Variants in VEGFC observed in about 807,000 individuals in gnomAD.
VEGFC encodes vascular endothelial growth factor C.
In VEGFC, 12 loss-of-function variants were observed where a neutral mutation model predicts 46.1. The observed-to-expected ratio is 0.26, with a 90% CI of 0.17 to 0.42. The LOEUF is 0.42. VEGFC is among the 10% of genes least tolerant of loss of function. The pLI is 1.00. For synonymous variants in VEGFC, 232 were observed against 195.5 expected (o/e 1.19, Z -1.56); for missense variants, 488 against 529.4 (o/e 0.92, Z 0.77).
rs563624007 is a variant in VEGFC at position 176,727,892 on chromosome 4, G to T, written c.438C>A (p.Val146=). 6.2e-7 allele frequency: 1 copy of T among 1,613,370 alleles called. No homozygotes were observed. The highest frequency in any genetic ancestry group is 1.7e-5 in the Admixed American group (1 of 59,892). Reference sequence around the variant, plus strand: ...GAGGTTTAAAGAAGGTGTTTGTCGCGACTCCAAACTCCTTCCCCACATCTA... The same window carrying T: ...GAGGTTTAAAGAAGGTGTTTGTCGCTACTCCAAACTCCTTCCCCACATCTA... ...VCIDVGKEFG[V]ATNTFFKPPC... Residue 146 remains valine, a synonymous_variant, in exon 3 of 7, where the codon GTC becomes GTA. Transcript: ENST00000618562.
intron 4 of VEGFC, among the ~76,000 whole-genome samples, chr4:176,698,275 A>G (rs2110982376): frequency 6.6e-6 from 1 of 151,768 alleles, no homozygotes; most frequent in East Asian, 1.9e-4. Flanking sequence ...ACACTTGGAG[A>G]TTTCTTGACT....
intron 1 of VEGFC, among the ~76,000 whole-genome samples, chr4:176,743,341 T>C (rs1299167998): frequency 6.6e-6 from 1 of 151,946 alleles, no homozygotes; most frequent in Admixed American, 6.6e-5. Flanking sequence ...TGTATGGAGG[T>C]ATTTGATATG....
chr4:176,702,826 T>TA lies in VEGFC; in HGVS notation c.704+8672dup, dbSNP rs540883626. 2.5e-3 allele frequency among the ~76,000 whole-genome samples: 379 copies of TA among 152,006 alleles called. 2 individuals carry two copies. Among genetic ancestry groups the TA allele is most frequent in the South Asian group, 8.7e-3 (42 of 4,814 alleles). ...TTCCCTATAGTACATCGTCACAGAA[T>TA]AAAAAAAACATAAAAACTTGTGTTT... On this transcript the variant is annotated intron_variant, in intron 4 of 6. Coordinates refer to ENST00000618562, the MANE Select transcript of VEGFC (RefSeq NM_005429.5).
At chr4:176,693,612 A>C (rs1214119995) in intron 4 of VEGFC, among the ~76,000 whole-genome samples, 1 of 147,032 alleles carries the variant, frequency 6.8e-6, no homozygotes, top group African/African-American at 2.7e-5. Flanking sequence ...GTTCAGATTC[A>C]GGAAATACAG....
At chr4:176,692,659 C>T (rs1309644054) in intron 4 of VEGFC, among the ~76,000 whole-genome samples, 1 of 147,164 alleles carries the variant, frequency 6.8e-6, no homozygotes, top group Non-Finnish European at 1.5e-5. Flanking sequence ...TCTGTAGGCT[C>T]CACCTCTGGG....
intron 1 of VEGFC, among the ~76,000 whole-genome samples, chr4:176,762,000 G>C (rs977072835): frequency 1.3e-5 from 2 of 152,170 alleles, no homozygotes; most frequent in Admixed American, 6.5e-5. Flanking sequence ...TTTATTCTGT[G>C]CCAGCGAAGC....
intron 1 of VEGFC, among the ~76,000 whole-genome samples, chr4:176,736,683 C>A (rs1351937059): frequency 6.6e-6 from 1 of 151,694 alleles, no homozygotes; most frequent in Non-Finnish European, 1.5e-5. Flanking sequence ...TGTAAGTACT[C>A]ATTTGAATGA....
At chr4:176,693,964 G>C (rs1288941380) in intron 4 of VEGFC, among the ~76,000 whole-genome samples, 3 of 151,374 alleles carry the variant, frequency 2.0e-5, no homozygotes, top group East Asian at 3.9e-4. Context: ...TGCCCTAAAA[G>C]AGCTCCTGAA....
intron 1 of VEGFC, among the ~76,000 whole-genome samples, chr4:176,737,119 T>G (rs1187568307): frequency 6.6e-6 from 1 of 150,514 alleles, no homozygotes; most frequent in Admixed American, 6.6e-5. Context: ...TATTAACTAA[T>G]AAACATCCTA....
At chr4:176,729,869 T>A in intron 1 of VEGFC, 123 bp from the exon 2 acceptor site, 1 of 523,952 alleles carries the variant, frequency 1.9e-6, no homozygotes, top group Non-Finnish European at 2.9e-6. Context: ...TATTATTAAT[T>A]ACTCCTAAAT....
intron 3 of VEGFC, among the ~76,000 whole-genome samples, chr4:176,720,196 T>C (rs1477402719): frequency 6.6e-6 from 1 of 152,210 alleles, no homozygotes; most frequent in Non-Finnish European, 1.5e-5. Context: ...CCCTTGGTAC[T>C]GATGTTTGCT....
rs1273689167 is a variant in VEGFC at position 176,763,057 on chromosome 4, A to G, written c.147+29108T>C. Reference sequence around the variant, plus strand: ...GAAATCTCCTCCTTGGGATATAATCAGGAGAAAGCTCTCATCCTAGTTGTG... The same window carrying G: ...GAAATCTCCTCCTTGGGATATAATCGGGAGAAAGCTCTCATCCTAGTTGTG... On this transcript the variant is annotated intron_variant, in intron 1 of 6. Coordinates refer to ENST00000618562, the MANE Select transcript of VEGFC (RefSeq NM_005429.5). Among the ~76,000 whole-genome samples the G allele has an allele frequency of 2.5e-4, 38 of 152,374 alleles. 1 individual carries two copies. Among genetic ancestry groups the G allele is most frequent in the African/African-American group, 8.9e-4 (37 of 41,600 alleles).
chr4:176,684,811 C>T (rs1298407802), intron 6 of VEGFC, among the ~76,000 whole-genome samples: 6 of 152,166 alleles, frequency 3.9e-5, no homozygotes, highest in African/African-American at 7.2e-5. Context: ...CTGCAACCTC[C>T]GCCTCCTGGG....
chr4:176,776,264 A>G (rs1377821008), intron 1 of VEGFC, among the ~76,000 whole-genome samples: 14 of 152,246 alleles, frequency 9.2e-5, no homozygotes, highest in Admixed American at 9.2e-4. Flanking sequence ...CAAGAAGAAA[A>G]GCAGTGCCTT....
At chr4:176,724,320 G>C (rs999349602) in intron 3 of VEGFC, among the ~76,000 whole-genome samples, 1 of 152,090 alleles carries the variant, frequency 6.6e-6, no homozygotes, top group African/African-American at 2.4e-5. Flanking sequence ...CTCATGAAAG[G>C]GTCCACAGTT....
chr4:176,770,155 T>C (rs1399680278), intron 1 of VEGFC, among the ~76,000 whole-genome samples: 1 of 152,212 alleles, frequency 6.6e-6, no homozygotes, highest in Non-Finnish European at 1.5e-5. Flanking sequence ...TAGTTGGATC[T>C]TATCCCTCTT....
intron 1 of VEGFC, among the ~76,000 whole-genome samples, chr4:176,784,171 C>G (rs1221892397): frequency 1.3e-5 from 2 of 150,478 alleles, no homozygotes; most frequent in African/African-American, 4.9e-5. Context: ...TGGGCTCAAG[C>G]CATCTTCTCA....
rs140540381 is a variant in VEGFC at position 176,702,373 on chromosome 4, C to T, written c.704+9126G>A. Among the ~76,000 whole-genome samples the T allele has an allele frequency of 4.6e-5, 7 of 152,118 alleles. No individual in the cohort carries two copies. In the East Asian group the frequency reaches 1.2e-3, roughly 25 times the overall value. ...TTCATCCCTTTTCTCTTTTTCACCA[C>T]GAGGCGACTGTCTTCCAAATTGAAA... On this transcript the variant is annotated intron_variant, in intron 4 of 6. Coordinates refer to ENST00000618562, the MANE Select transcript of VEGFC (RefSeq NM_005429.5).
At chr4:176,757,347 T>A (rs1242621514) in intron 1 of VEGFC, among the ~76,000 whole-genome samples, 1 of 152,012 alleles carries the variant, frequency 6.6e-6, no homozygotes, top group Non-Finnish European at 1.5e-5. Context: ...AAGACAAAGG[T>A]CCCTAGATCT....
Sources: gnomAD v4.1 joint callset for allele counts (sites outside exome capture counted in the v4.1 genomes callset) on GRCh38, gnomAD v4.1.1 for gene constraint, MANE v1.5 for transcripts, NCBI Gene and HGNC (gene_info 2026-07-23, HGNC 2026-07-21) for gene names.